Variants in MYH6 observed in about 807,000 individuals in gnomAD.
MYH6 encodes the protein myosin heavy chain 6, also known as myosin-6.
MYH6 carries 126 observed loss-of-function variants against 223.2 expected under a neutral mutation model. The observed-to-expected ratio is 0.56, with a 90% CI of 0.49 to 0.65. The LOEUF (loss-of-function observed/expected upper bound fraction) is 0.65. MYH6 is among the 30% of genes least tolerant of loss of function. MYH6 has a pLI of 0.00. For synonymous variants in MYH6, 978 were observed against 1,010.2 expected, an observed-to-expected ratio of 0.97 and a Z score of 0.61; for missense variants, 2,040 against 2,536.4, an observed-to-expected ratio of 0.80 and a Z score of 4.20.
intron 32 of MYH6, 71 bp downstream of exon 32, chr14:23,387,458 C>T (rs759084817): frequency 2.4e-4 from 390 of 1,602,010 alleles, no homozygotes; most frequent in Middle Eastern, 1.1e-3. Context: ...GTCAGGGTCA[C>T]CCCCAGGTGA....
intron 25 of MYH6, among the ~76,000 whole-genome samples, chr14:23,390,946 T>A (rs1891221616): frequency 6.6e-6 from 1 of 152,164 alleles, no homozygotes; most frequent in Non-Finnish European, 1.5e-5. Context: ...AACCACAAAG[T>A]CCAATCAACC....
intron 25 of MYH6, 146 bp downstream of exon 25, chr14:23,392,416 C>T: frequency 1.3e-6 from 1 of 767,970 alleles, no homozygotes; most frequent in Non-Finnish European, 2.4e-6. Flanking sequence ...GGCTAGTGTT[C>T]CTGAGCGCCT....
At position 23,387,602 on chromosome 14, in the gene MYH6, T is replaced by G. The variant is rs1891070655; in HGVS notation, c.4577A>C (p.His1526Pro). The G allele has an allele frequency of 6.2e-7, 1 of 1,614,092 alleles. No individual in the cohort carries two copies. The highest frequency in any genetic ancestry group is 1.1e-5 in the South Asian group (1 of 91,080). The change falls in exon 32 of 39, where the codon CAT becomes CCT. Residue 1526 changes from histidine (H) to proline (P), a missense_variant. By Grantham distance (77) the His-to-Pro change is moderately conservative (BLOSUM62 -2). Transcript: ENST00000405093. ...EQLGEGGKNVHELEKVRKQLE... is the reference protein window; with the variant it reads ...EQLGEGGKNVPELEKVRKQLE... ...CTGTTTGCGGACCTTCTCCAGCTCA[T>G]GCACATTCTTTCCTCCTTCTCCTAG...
rs58008413 is a variant in MYH6, at chr14:23,408,198, C to T, written c.-47+55G>A. On this transcript the variant is annotated intron_variant, in intron 1 of 38. Transcript: ENST00000405093. Reference sequence around the variant, plus strand: ...CACTCCTGGTGAAGGAGGTCCCTCACGGTGGGGGCTCTGTGGACGGGCTGC... The same window carrying T: ...CACTCCTGGTGAAGGAGGTCCCTCATGGTGGGGGCTCTGTGGACGGGCTGC... The T allele has an allele frequency of 0.011, 11,224 of 982,070 alleles. 952 individuals are homozygous for T. In the African/African-American group the frequency reaches 0.18, roughly 16 times the overall value. 60.8% of individuals were successfully genotyped at this position (982,070 alleles called of 1,614,324 possible).
rs1315812558 is a variant in MYH6, at chr14:23,387,522, C to T, written c.4650+7G>A. ...GGGATGGGGTGCAGGGAGTTCTCGG[C>T]CCTCACCTCTGCCTCCTCCAGGGCT... On this transcript the variant is annotated splice_region_variant and intron_variant, in intron 32 of 38. Coordinates refer to ENST00000405093, the MANE Select transcript of MYH6 (RefSeq NM_002471.4). 4 of 1,613,052 alleles carry T rather than the reference C, an allele frequency of 2.5e-6. No individual in the cohort carries two copies. Among genetic ancestry groups the T allele is most frequent in the Non-Finnish European group, 3.4e-6 (4 of 1,180,010 alleles).
Position 23,396,974 on chromosome 14 carries a change from G to A in MYH6, c.2157C>T (p.Asp719=), listed in dbSNP as rs1891415854. ...ACCCTCATACCCACCTCTGCCGGAA[G>A]TCCCCGTAGAGGATGCGGTTGGGGA... ...KGFPNRILYG[D]FRQRYRILNP... Residue 719 remains aspartate (D), a synonymous_variant, in exon 18 of 39, where the codon GAC becomes GAT. Transcript: ENST00000405093. 3.1e-6 allele frequency: 5 copies of A among 1,612,848 alleles called. No individual in the cohort carries two copies. The highest frequency in any genetic ancestry group is 2.2e-5 in the East Asian group (1 of 44,896).
intron 14 of MYH6, 64 bp downstream of exon 14, chr14:23,400,192 A>T (rs1204496151): frequency 1.2e-6 from 2 of 1,612,142 alleles, no homozygotes; most frequent in Non-Finnish European, 1.7e-6. Flanking sequence ...TGTAGAAGGG[A>T]CTCAGCCACC....
rs372736126 is a variant in MYH6 at position 23,388,998 on chromosome 14, G to A, written c.4036C>T (p.Arg1346Trp). ...QSARHDCDLL[R>W]EQYEEETEAK... ...TCTGTCTCCTCCTCGTACTGCTCCC[G>A]CAGCAGGTCGCAGTCATGCCGGGCC... The change falls in exon 29 of 39, where the codon CGG becomes TGG. Residue 1346 changes from arginine to tryptophan, a missense_variant. By Grantham distance (101) the Arg-to-Trp change is moderately radical (BLOSUM62 -3). Transcript: ENST00000405093. 26 of 1,613,202 alleles carry A rather than the reference G, an allele frequency of 1.6e-5. No homozygotes were observed. The highest frequency in any genetic ancestry group is 4.0e-5 in the African/African-American group (3 of 74,890).
At position 23,384,634 on chromosome 14, in the gene MYH6, G is replaced by A; in HGVS notation, c.5373C>T (p.Thr1791=). ...CCAGCCGGTGCTGCAGGTCCTTAATGGTCTGCTCCATGTTCTTCTTCATGC... is the reference window on the plus strand; with the variant it reads ...CCAGCCGGTGCTGCAGGTCCTTAATAGTCTGCTCCATGTTCTTCTTCATGC... The part of the protein sequence containing the change: ...LERMKKNMEQ[T]IKDLQHRLDE... The change falls in exon 36 of 39, where the codon ACC becomes ACT. Residue 1791 remains threonine (T), a synonymous_variant. Coordinates refer to ENST00000405093, the MANE Select transcript of MYH6 (RefSeq NM_002471.4). 6.2e-7 allele frequency: 1 copy of A among 1,614,102 alleles called. No individual in the cohort carries two copies. The highest frequency in any genetic ancestry group is 8.5e-7 in the Non-Finnish European group (1 of 1,180,048).
At chr14:23,400,597 A>C in intron 13 of MYH6, 112 bp downstream of exon 13, 2 of 1,591,428 alleles carry the variant, frequency 1.3e-6, no homozygotes, top group Non-Finnish European at 1.7e-6. Context: ...CTGTCACCAC[A>C]CAGTCCCCAC....
chr14:23,405,671 C>A lies in MYH6; in HGVS notation c.301G>T (p.Val101Leu). Residue 101 changes from valine (V) to leucine (L), a missense_variant, in exon 4 of 39, where the codon GTG becomes TTG. Physicochemically the swap from Val to Leu is conservative, Grantham distance 32. This residue lies in a region of MYH6 where 184 missense variants were observed against 232.4 expected (regional missense o/e 0.79). Coordinates refer to ENST00000405093, the MANE Select transcript of MYH6 (RefSeq NM_002471.4). This position sits in a 1 kb window ranked among gnomAD's most constrained non-coding sequence, Gnocchi z 4.7. The stretch of plus-strand genomic sequence containing the variant: ...TAGCGCTCCTTGAGGTTGAAAAGCA[C>A]CGCGGGCTCGTGCAGGAAGGTCAGC... ...AMLTFLHEPA[V>L]LFNLKERYAA... The A allele has an allele frequency of 6.2e-7, 1 of 1,614,170 alleles. No individual in the cohort carries two copies. Among genetic ancestry groups the A allele is most frequent in the Non-Finnish European group, 8.5e-7 (1 of 1,180,008 alleles).
At position 23,407,467 on chromosome 14, in the gene MYH6, G is replaced by T; in HGVS notation, c.-14+109C>A. On this transcript the variant is annotated intron_variant, in intron 2 of 38. Coordinates refer to ENST00000405093, the MANE Select transcript of MYH6 (RefSeq NM_002471.4). This position sits in a 1 kb window ranked among gnomAD's most constrained non-coding sequence, Gnocchi z 5.6. ...CCTGGGGTGGCATTGGCTGGAGTAT[G>T]CTAAGGGTTGGCGCTGAGTGCTTGG... 1 of 1,254,592 alleles carries T rather than the reference G, an allele frequency of 8.0e-7. No homozygotes were observed. The highest frequency in any genetic ancestry group is 1.1e-6 in the Non-Finnish European group (1 of 944,454). The allele number at this position is 1,254,592 out of a possible 1,614,324, so 77.7% of individuals were successfully genotyped here. A position where few individuals can be genotyped will look rare whatever the true frequency, so the allele number is the denominator to read the frequency against.
intron 29 of MYH6, 183 bp downstream of exon 29, chr14:23,388,676 G>A (rs1891121517): frequency 9.7e-7 from 1 of 1,033,186 alleles, no homozygotes; most frequent in Non-Finnish European, 1.5e-6. Flanking sequence ...ACAGGAAGTG[G>A]GTCAGGGCCA....
At chr14:23,387,458 C>A (rs759084817) in intron 32 of MYH6, 71 bp downstream of exon 32, 5 of 1,602,010 alleles carry the variant, frequency 3.1e-6, no homozygotes, top group Non-Finnish European at 4.2e-6. Flanking sequence ...GTCAGGGTCA[C>A]CCCCAGGTGA....
At position 23,407,634 on chromosome 14, in the gene MYH6, A is replaced by C; in HGVS notation, c.-46-26T>G. 1 of 1,128,346 alleles carries C rather than the reference A, an allele frequency of 8.9e-7. No homozygotes were observed. Among genetic ancestry groups the C allele is most frequent in the Non-Finnish European group, 1.1e-6 (1 of 913,812 alleles). 69.9% of individuals were successfully genotyped at this position (1,128,346 alleles called of 1,614,324 possible). ...CTGGACCGTGGGTGGAGCAAGGAAC[A>C]ACAGAGGTAGAGCCGGGCAGAGAGA... On this transcript the variant is annotated intron_variant, in intron 1 of 38. Coordinates refer to ENST00000405093, the MANE Select transcript of MYH6 (RefSeq NM_002471.4). This position sits in a 1 kb window ranked among gnomAD's most constrained non-coding sequence, Gnocchi z 5.6.
chr14:23,391,499 G>T (rs17091434), intron 25 of MYH6, among the ~76,000 whole-genome samples: 11,176 of 152,316 alleles, frequency 0.073, 469 homozygotes, highest in South Asian at 0.19. Context: ...GAAGATGGGA[G>T]GGCAAATTAC....
intron 13 of MYH6, 103 bp downstream of exon 13, chr14:23,400,606 A>G: frequency 4.4e-6 from 7 of 1,598,430 alleles, no homozygotes; most frequent in Non-Finnish European, 5.1e-6. Context: ...CACAGTCCCC[A>G]CTGCCTTCCC....
At chr14:23,382,131 T>C in intron 38 of MYH6, 68 bp from the exon 39 acceptor site, 1 of 1,476,426 alleles carries the variant, frequency 6.8e-7, no homozygotes, top group Non-Finnish European at 9.5e-7. Context: ...GACAAATCCC[T>C]GGGGCTTTCA....
Position 23,383,339 on chromosome 14 carries a change from G to GGGGGGGGGGGGGGGGGGGA in MYH6, c.5566-20_5566-19insTCCCCCCCCCCCCCCCCCC. On this transcript the variant is annotated intron_variant, in intron 36 of 38. Coordinates refer to ENST00000405093, the MANE Select transcript of MYH6 (RefSeq NM_002471.4). ...CCTCTGTCTGGGGGTGGGAGGGTGG[G>GGGGGGGGGGGGGGGGGGGA]AGAAGCTGGTTTGGAGGGGGAGCAA... 1 of 108,200 alleles carries GGGGGGGGGGGGGGGGGGGA rather than the reference G, an allele frequency of 9.2e-6. No individual in the cohort carries two copies. Among genetic ancestry groups the GGGGGGGGGGGGGGGGGGGA allele is most frequent in the Non-Finnish European group, 1.8e-5 (1 of 54,382 alleles). 6.7% of individuals were successfully genotyped at this position (108,200 alleles called of 1,614,324 possible).
Sources: allele counts gnomAD v4.1 joint callset (sites outside exome capture counted in the v4.1 genomes callset), GRCh38; gene constraint gnomAD v4.1.1; regional missense constraint gnomAD v4.1.1; non-coding constraint Gnocchi (gnomAD v3.1); transcripts MANE v1.5; gene names NCBI Gene and HGNC (gene_info 2026-07-23, HGNC 2026-07-21).